MS4A7: variants seen among roughly 807,000 people sequenced by gnomAD.
The protein encoded by MS4A7 is membrane spanning 4-domains A7.
In MS4A7, 21 loss-of-function variants were observed where a neutral mutation model predicts 23.5. That is an observed-to-expected ratio of 0.89 (90% CI 0.63 to 1.29). The LOEUF (loss-of-function observed/expected upper bound fraction) is 1.29. Among genes scored for constraint, MS4A7 ranks in the 50% most tolerant of loss-of-function variants. The pLI is 0.00. For synonymous variants in MS4A7, 111 were observed against 107.4 expected (o/e 1.03, Z -0.21); for missense variants, 263 against 274.2 (o/e 0.96, Z 0.29).
chr11:60,393,872 G>T lies in MS4A7; in HGVS notation c.*11G>T. 6.3e-7 allele frequency: 1 copy of T among 1,587,656 alleles called. No individual in the cohort carries two copies. Among genetic ancestry groups the T allele is most frequent in the Non-Finnish European group, 8.6e-7 (1 of 1,166,892 alleles). ...CGGTCTTGGATATAAGTAACTCTTG[G>T]CCTCAGAGGAAGGAAAAGCAACTCA... On this transcript the variant is annotated 3_prime_UTR_variant, in exon 7 of 7. Transcript: ENST00000300184.
At chr11:60,391,907 A>G (rs574357499) in intron 5 of MS4A7, among the ~76,000 whole-genome samples, 22 of 127,282 alleles carry the variant, frequency 1.7e-4, no homozygotes, top group African/African-American at 6.4e-4. Flanking sequence ...TGACAGAATG[A>G]GACCCTGTCT....
At chr11:60,386,556 G>A (rs2085490252) in intron 3 of MS4A7, 161 bp from the exon 4 acceptor site, 1 of 555,986 alleles carries the variant, frequency 1.8e-6, no homozygotes, top group South Asian at 3.1e-5. Flanking sequence ...TATATCAGGT[G>A]GGAATTAGGC....
At position 60,386,853 on chromosome 11, in the gene MS4A7, T is replaced by A. The variant is rs570781495; in HGVS notation, c.339+80T>A. 2.4e-5 allele frequency: 29 copies of A among 1,211,790 alleles called. No individual in the cohort carries two copies. In the African/African-American group the frequency reaches 3.8e-4, roughly 16 times the overall value. 75.1% of individuals were successfully genotyped at this position (1,211,790 alleles called of 1,614,324 possible). The stretch of plus-strand genomic sequence containing the variant: ...TTAATTCTTCTAGTTTAAAAATCCC[T>A]ATTTTACAATTTAGAGAGAAAAAGC... On this transcript the variant is annotated intron_variant, in intron 4 of 6. Transcript: ENST00000300184.
intron 1 of MS4A7, among the ~76,000 whole-genome samples, chr11:60,379,607 A>G (rs1241279368): frequency 1.3e-5 from 2 of 151,740 alleles, no homozygotes; most frequent in Admixed American, 6.6e-5. Context: ...ATCTCGGCTT[A>G]CTGCAACCAC....
chr11:60,387,435 C>T (rs2085504129), intron 4 of MS4A7, among the ~76,000 whole-genome samples: 2 of 152,152 alleles, frequency 1.3e-5, no homozygotes, highest in Admixed American at 1.3e-4. Flanking sequence ...TTCTTTCAGT[C>T]AAATATCAGG....
chr11:60,382,940 A>G (rs1490126277), intron 1 of MS4A7, among the ~76,000 whole-genome samples, 189 bp from the exon 2 acceptor site: 2 of 152,214 alleles, frequency 1.3e-5, no homozygotes, highest in African/African-American at 2.4e-5. Flanking sequence ...CTTGACCACA[A>G]TGGATGAACT....
At chr11:60,392,268 T>C (rs1425740276) in intron 5 of MS4A7, among the ~76,000 whole-genome samples, 1 of 151,788 alleles carries the variant, frequency 6.6e-6, no homozygotes, top group Non-Finnish European at 1.5e-5. Context: ...AGAGAGAGTA[T>C]ATGCAAAAGT....
chr11:60,379,965 T>C (rs938403417), intron 1 of MS4A7, among the ~76,000 whole-genome samples: 1 of 152,212 alleles, frequency 6.6e-6, no homozygotes, highest in Non-Finnish European at 1.5e-5. Flanking sequence ...AAACAATAGC[T>C]TTCCATTCCC....
rs1228402112 is a variant in MS4A7, at chr11:60,394,697, G to A, written c.*836G>A. 4.9e-6 allele frequency: 1 copy of A among 204,172 alleles called. No homozygotes were observed. The highest frequency in any genetic ancestry group is 2.3e-5 in the African/African-American group (1 of 43,092). 12.6% of individuals were successfully genotyped at this position (204,172 alleles called of 1,614,324 possible). A position where few individuals can be genotyped will look rare whatever the true frequency, so the allele number is the denominator to read the frequency against. On this transcript the variant is annotated 3_prime_UTR_variant, in exon 7 of 7. Transcript: ENST00000300184. Reference sequence around the variant, plus strand: ...CGCACCTGTAGTTCCAGCTACTTGGGAGGCTGAGGCAGAAGAATCACTTGA... The same window carrying A: ...CGCACCTGTAGTTCCAGCTACTTGGAAGGCTGAGGCAGAAGAATCACTTGA...
chr11:60,393,978 G>A lies in MS4A7; in HGVS notation c.*117G>A, dbSNP rs2085582733. Reference sequence around the variant, plus strand: ...TGTGAAACAAACTAAAAAAAAAAAAGCTTTTGTTTTGTATTTGTTTACTAT... The same window carrying A: ...TGTGAAACAAACTAAAAAAAAAAAAACTTTTGTTTTGTATTTGTTTACTAT... On this transcript the variant is annotated 3_prime_UTR_variant, in exon 7 of 7. Coordinates refer to ENST00000300184, the MANE Select transcript of MS4A7 (RefSeq NM_021201.5). The A allele has an allele frequency of 5.4e-6, 3 of 559,510 alleles. No homozygotes were observed. Among genetic ancestry groups the A allele is most frequent in the African/African-American group, 3.9e-5 (2 of 50,896 alleles). The allele number at this position is 559,510 out of a possible 1,614,324, so 34.7% of individuals were successfully genotyped here.
At chr11:60,383,976 A>G (rs2085457966) in intron 2 of MS4A7, among the ~76,000 whole-genome samples, 1 of 152,226 alleles carries the variant, frequency 6.6e-6, no homozygotes, top group Admixed American at 6.5e-5. Flanking sequence ...GACTAATCTC[A>G]TGACCCATTT....
chr11:60,389,287 G>T, intron 4 of MS4A7, 103 bp from the exon 5 acceptor site: 1 of 900,354 alleles, frequency 1.1e-6, no homozygotes, highest in East Asian at 2.6e-5. Flanking sequence ...AAACAGGAAG[G>T]AAACAGACCC....
rs1444682578 is a variant in MS4A7 at position 60,394,955 on chromosome 11, C to T, written c.*1094C>T. 4 of 664,726 alleles carry T rather than the reference C, an allele frequency of 6.0e-6. No individual in the cohort carries two copies. The Admixed American group carries it at 6.2e-5, about 10-fold the overall frequency. 41.2% of individuals were successfully genotyped at this position (664,726 alleles called of 1,614,324 possible). A position where few individuals can be genotyped will look rare whatever the true frequency, so the allele number is the denominator to read the frequency against. ...TCTTCTGTCATTTCAGGGTAGGAGT[C>T]AATGAAGACATCTTAGTCTTAACAA... is the stretch of plus-strand genomic sequence containing the variant. On this transcript the variant is annotated 3_prime_UTR_variant, in exon 7 of 7. Coordinates refer to ENST00000300184, the MANE Select transcript of MS4A7 (RefSeq NM_021201.5).
At chr11:60,388,296 A>G (rs2085512798) in intron 4 of MS4A7, among the ~76,000 whole-genome samples, 1 of 152,224 alleles carries the variant, frequency 6.6e-6, no homozygotes, top group African/African-American at 2.4e-5. Context: ...CATCTTCCAC[A>G]TTTTATAAAA....
chr11:60,384,495 A>C (rs914851895), intron 2 of MS4A7, among the ~76,000 whole-genome samples: 1 of 152,138 alleles, frequency 6.6e-6, no homozygotes, highest in Non-Finnish European at 1.5e-5. Flanking sequence ...GTATTCAATA[A>C]CTGTTGATGA....
intron 6 of MS4A7, 41 bp downstream of exon 6, chr11:60,392,827 A>G (rs771236060): frequency 2.1e-6 from 3 of 1,399,002 alleles, no homozygotes; most frequent in Non-Finnish European, 3.0e-6. Context: ...GCTGTGTCTC[A>G]GGTCCAGGCT....
rs2085567336 is a variant in MS4A7 at position 60,392,775 on chromosome 11, A to G, written c.637A>G (p.Asn213Asp). The G allele has an allele frequency of 6.2e-7, 1 of 1,612,730 alleles. No individual in the cohort carries two copies. Among genetic ancestry groups the G allele is most frequent in the African/African-American group, 1.3e-5 (1 of 74,862 alleles). ...SVFWWKQLYSNNPGSSFSSTQ... is the reference protein window; with the variant it reads ...SVFWWKQLYSDNPGSSFSSTQ... ...CTTTTGGTGGAAACAGCTCTACTCC[A>G]ACAACCCTGGGGTGAGTATGCTGAC... is the stretch of plus-strand genomic sequence containing the variant. Residue 213 changes from asparagine to aspartate, a missense_variant, in exon 6 of 7, where the codon AAC becomes GAC. Physicochemically the swap from Asn to Asp is conservative, Grantham distance 23. Transcript: ENST00000300184.
chr11:60,392,750 C>G lies in MS4A7; in HGVS notation c.612C>G (p.Val204=), dbSNP rs1196209721. 6.2e-7 allele frequency: 1 copy of G among 1,613,836 alleles called. No individual in the cohort carries two copies. Among genetic ancestry groups the G allele is most frequent in the East Asian group, 2.2e-5 (1 of 44,890 alleles). Residue 204 remains valine, a synonymous_variant, in exon 6 of 7, where the codon GTC becomes GTG. Transcript: ENST00000300184. ...LELLLAAYSS[V]FWWKQLYSNN... ...TCTTATTAGCTGCATACAGTTCTGT[C>G]TTTTGGTGGAAACAGCTCTACTCCA...
intron 5 of MS4A7, 34 bp from the exon 6 acceptor site, chr11:60,392,651 C>A: frequency 6.4e-7 from 1 of 1,561,122 alleles, no homozygotes; most frequent in South Asian, 1.1e-5. Flanking sequence ...GCTAGCTTGT[C>A]TTGGGTACCA....
Sources: gnomAD v4.1 joint callset for allele counts (sites outside exome capture counted in the v4.1 genomes callset) on GRCh38, gnomAD v4.1.1 for gene constraint, MANE v1.5 for transcripts, NCBI Gene and HGNC (gene_info 2026-07-23, HGNC 2026-07-21) for gene names.